AP1G1: variants seen among roughly 807,000 people sequenced by gnomAD.
The protein encoded by AP1G1 is adaptor related protein complex 1 subunit gamma 1.
A neutral mutation model predicts 108.3 loss-of-function variants in AP1G1; 7 were observed. The observed-to-expected ratio is 0.06, with a 90% confidence interval of 0.04 to 0.12. The LOEUF is 0.12. Ranked by LOEUF, AP1G1 falls within the 10% of genes least tolerant of loss-of-function variation. The pLI is 1.00. For missense variants in AP1G1, 756 were observed against 1,010.7 expected (o/e 0.75, Z 3.42); for synonymous variants, 379 against 353.5 (o/e 1.07, Z -0.81).
chr16:71,786,786 G>A (rs1256791508), intron 2 of AP1G1, among the ~76,000 whole-genome samples: 2 of 151,822 alleles, frequency 1.3e-5, no homozygotes, highest in East Asian at 1.9e-4. Flanking sequence ...TAGCTGACCG[G>A]GCACAATAGT....
In AP1G1 at chr16:71,745,265, A is replaced by G; in HGVS notation, c.1878T>C (p.Asn626=). The G allele has an allele frequency of 6.2e-7, 1 of 1,614,246 alleles. No homozygotes were observed. The highest frequency in any genetic ancestry group is 1.1e-5 in the South Asian group (1 of 91,090). The change falls in exon 19 of 23, where the codon AAT becomes AAC. Residue 626 remains asparagine, a synonymous_variant. Transcript: ENST00000299980. ...PSGPQPTSQA[N]DLLDLLGGND... is the part of the protein sequence containing the mutation. The stretch of plus-strand genomic sequence containing the variant: ...TTCCTCCCAACAAATCCAATAAATC[A>G]TTGGCCTAAACAAGGTAACAACACC...
At chr16:71,775,288 T>A (rs1202923139) in intron 2 of AP1G1, among the ~76,000 whole-genome samples, 1 of 151,788 alleles carries the variant, frequency 6.6e-6, no homozygotes, top group Non-Finnish European at 1.5e-5. Flanking sequence ...CGCCTCAGCC[T>A]CCCAAAGTGC....
At chr16:71,750,058 C>A in intron 14 of AP1G1, 75 bp from the exon 15 acceptor site, 2 of 1,492,630 alleles carry the variant, frequency 1.3e-6, no homozygotes, top group Non-Finnish European at 9.3e-7. Context: ...CATAGGTCAT[C>A]TCATAATAAA....
chr16:71,802,675 A>G (rs548448825), intron 1 of AP1G1, among the ~76,000 whole-genome samples: 2 of 151,990 alleles, frequency 1.3e-5, no homozygotes, highest in East Asian at 3.9e-4. Flanking sequence ...GGTTGAGGTG[A>G]GCCGAGATCG....
At chr16:71,765,388 T>A in intron 7 of AP1G1, 101 bp downstream of exon 7, 1 of 731,892 alleles carries the variant, frequency 1.4e-6, no homozygotes, top group Non-Finnish European at 2.3e-6. Context: ...ATCAATTAAC[T>A]ACCAAATTTC....
At chr16:71,786,003 G>C (rs2032191179) in intron 2 of AP1G1, among the ~76,000 whole-genome samples, 1 of 152,162 alleles carries the variant, frequency 6.6e-6, no homozygotes. Context: ...AATTCCAACG[G>C]ATGGGGTACC....
At chr16:71,735,979 A>G (rs1210776767) in intron 21 of AP1G1, among the ~76,000 whole-genome samples, 1 of 149,910 alleles carries the variant, frequency 6.7e-6, no homozygotes, top group East Asian at 2.0e-4. Flanking sequence ...AAAAATACAA[A>G]AATTAGCTGG....
At position 71,750,563 on chromosome 16, in the gene AP1G1, TG is replaced by T. The variant is rs572862367; in HGVS notation, c.1285-232del. On this transcript the variant is annotated intron_variant, in intron 13 of 22. Coordinates refer to ENST00000299980, the MANE Select transcript of AP1G1 (RefSeq NM_001128.6). ...CCAAGTAGCTGGGACTACAGGTACATGCCACCACACCTGGCTAATTTTTTCT... is the reference window on the plus strand; with the variant it reads ...CCAAGTAGCTGGGACTACAGGTACATCCACCACACCTGGCTAATTTTTTCT... The T allele has an allele frequency of 2.2e-4, 89 of 410,020 alleles. No individual in the cohort carries two copies. In the South Asian group the frequency reaches 2.2e-3, roughly 10 times the overall value. 25.4% of individuals were successfully genotyped at this position (410,020 alleles called of 1,614,324 possible).
rs1231229539 is a variant in AP1G1, at chr16:71,774,449, A to T, written c.326+19T>A. On this transcript the variant is annotated intron_variant, in intron 3 of 22. Coordinates refer to ENST00000299980, the MANE Select transcript of AP1G1 (RefSeq NM_001128.6). ...CAAAGTAGTTAACAGTTGTTAGAAG[A>T]AAGAAAAGTAAGACTTACTTCTTGA... The T allele has an allele frequency of 6.3e-7, 1 of 1,587,240 alleles. No homozygotes were observed.
intron 6 of AP1G1, among the ~76,000 whole-genome samples, chr16:71,767,434 C>G (rs1056840767): frequency 1.3e-5 from 2 of 152,170 alleles, no homozygotes; most frequent in African/African-American, 4.8e-5. Context: ...AATAAAATCT[C>G]TAAGTGTGAA....
intron 13 of AP1G1, among the ~76,000 whole-genome samples, chr16:71,752,973 A>C (rs2030583147): frequency 1.3e-5 from 2 of 152,196 alleles, no homozygotes; most frequent in Non-Finnish European, 2.9e-5. Flanking sequence ...CATAGATTGA[A>C]TATATTAATA....
chr16:71,792,893 C>A (rs1210791243), intron 1 of AP1G1, among the ~76,000 whole-genome samples: 2 of 150,406 alleles, frequency 1.3e-5, no homozygotes, highest in East Asian at 3.9e-4. Flanking sequence ...TGAGGCTGGG[C>A]ACGGTGGCTC....
intron 2 of AP1G1, among the ~76,000 whole-genome samples, chr16:71,787,709 A>G (rs1239553121): frequency 6.6e-6 from 1 of 152,244 alleles, no homozygotes; most frequent in Non-Finnish European, 1.5e-5. Context: ...TATTTGCTTT[A>G]TACTATGACA....
intron 19 of AP1G1, among the ~76,000 whole-genome samples, chr16:71,739,894 T>C (rs2045597517): frequency 6.6e-6 from 1 of 151,888 alleles, no homozygotes; most frequent in Non-Finnish European, 1.5e-5. Flanking sequence ...TGTCAAGATA[T>C]AAAAACACGC....
intron 6 of AP1G1, among the ~76,000 whole-genome samples, chr16:71,768,664 A>C (rs8055419): frequency 0.86 from 129,619 of 150,576 alleles, 55,923 homozygotes; most frequent in East Asian, 0.99. Flanking sequence ...GCCTGTAATC[A>C]CAGCACTTTG....
At chr16:71,773,042 A>G in intron 4 of AP1G1, 179 bp downstream of exon 4, 1 of 765,744 alleles carries the variant, frequency 1.3e-6, no homozygotes, top group South Asian at 1.5e-5. Flanking sequence ...TTGTTTGTTT[A>G]TAAATCATTT....
intron 2 of AP1G1, among the ~76,000 whole-genome samples, chr16:71,783,903 C>T (rs1433494267): frequency 2.6e-5 from 4 of 152,110 alleles, no homozygotes; most frequent in Non-Finnish European, 4.4e-5. Context: ...AATTTGGCCC[C>T]GAGCCACCAG....
intron 19 of AP1G1, among the ~76,000 whole-genome samples, chr16:71,741,447 G>A (rs545494741): frequency 6.6e-6 from 1 of 152,284 alleles, no homozygotes; most frequent in Admixed American, 6.5e-5. Flanking sequence ...GCCGGGTGTG[G>A]TGGCACGCGC....
In AP1G1 at chr16:71,749,971, G is replaced by T; in HGVS notation, c.1420C>A (p.Gln474Lys). Residue 474 changes from glutamine (Q) to lysine (K), a missense_variant, in exon 15 of 23, where the codon CAA (glutamine) becomes AAA (lysine). Gln to Lys is a moderately conservative substitution (Grantham distance 53). Coordinates refer to ENST00000299980, the MANE Select transcript of AP1G1 (RefSeq NM_001128.6). ...TCACCTATACACCATGCAGCCACTT[G>T]TACCAAAGGTTGCTGTGAAAAGAAA... ...LGDYSQQPLVQVAAWCIGEYG... is the reference protein window; with the variant it reads ...LGDYSQQPLVKVAAWCIGEYG... 1 of 1,612,672 alleles carries T rather than the reference G, an allele frequency of 6.2e-7. No individual in the cohort carries two copies. The highest frequency in any genetic ancestry group is 8.5e-7 in the Non-Finnish European group (1 of 1,178,770).
Sources: gnomAD v4.1 joint callset for allele counts (sites outside exome capture counted in the v4.1 genomes callset) on GRCh38, gnomAD v4.1.1 for gene constraint, MANE v1.5 for transcripts, NCBI Gene and HGNC (gene_info 2026-07-23, HGNC 2026-07-21) for gene names.